The following PCDH9 variants were observed in gnomAD, a reference collection of about 807,000 sequenced individuals.
PCDH9 encodes the protein protocadherin-9.
In PCDH9, 24 loss-of-function variants were observed where a neutral mutation model predicts 70.6. The ratio of observed to expected loss-of-function variants is 0.34; its 90% CI spans 0.25 to 0.48. The LOEUF (loss-of-function observed/expected upper bound fraction) is 0.48. PCDH9 is among the 20% of genes least tolerant of loss of function. The probability of loss-of-function intolerance (pLI) is 0.99; values close to 1 mark genes in which losing one functional copy is unlikely to be tolerated. For synonymous variants in PCDH9, 562 were observed against 558.5 expected, an observed-to-expected ratio of 1.01 and a Z score of -0.09; for missense variants, 1,281 against 1,503.6, an observed-to-expected ratio of 0.85 and a Z score of 2.45.
intron 2 of PCDH9, among the ~76,000 whole-genome samples, chr13:67,101,236 G>T (rs1311532818): frequency 1.3e-5 from 2 of 152,098 alleles, no homozygotes; most frequent in Admixed American, 6.5e-5. Flanking sequence ...CTGATTATAA[G>T]TCCATATTAT....
At chr13:67,094,198 C>G (rs202181200) in intron 2 of PCDH9, among the ~76,000 whole-genome samples, 1 of 152,114 alleles carries the variant, frequency 6.6e-6, no homozygotes, top group Non-Finnish European at 1.5e-5. Flanking sequence ...CAATTATGGG[C>G]ATGAATTCAA....
intron 4 of PCDH9, among the ~76,000 whole-genome samples, chr13:66,400,914 G>A (rs959452866): frequency 1.3e-5 from 2 of 152,062 alleles, no homozygotes; most frequent in Non-Finnish European, 2.9e-5. Context: ...AGTCCACCAG[G>A]GATTGATAAT....
intron 2 of PCDH9, among the ~76,000 whole-genome samples, chr13:66,946,660 A>C (rs1421950984): frequency 1.3e-5 from 2 of 152,112 alleles, no homozygotes; most frequent in Non-Finnish European, 2.9e-5. Context: ...AGAACCCAAG[A>C]ATGTTGGGCT....
chr13:66,650,963 A>G (rs2077843072), intron 3 of PCDH9, among the ~76,000 whole-genome samples: 1 of 152,000 alleles, frequency 6.6e-6, no homozygotes, highest in African/African-American at 2.4e-5. Flanking sequence ...TTAAGAAGGA[A>G]ATTTTTTAAG....
intron 3 of PCDH9, among the ~76,000 whole-genome samples, chr13:66,762,384 A>G (rs1284067660): frequency 1.3e-5 from 2 of 152,030 alleles, no homozygotes; most frequent in Non-Finnish European, 2.9e-5. Context: ...CAGAGTCCAT[A>G]GGTGTCTGCC....
chr13:66,846,081 G>T (rs898108559), intron 3 of PCDH9, among the ~76,000 whole-genome samples: 1 of 146,512 alleles, frequency 6.8e-6, no homozygotes, highest in Non-Finnish European at 1.5e-5. Context: ...TTCTACTGAG[G>T]CCATTACAAT....
At chr13:66,674,132 CCCA>C (rs759362867) in intron 3 of PCDH9, among the ~76,000 whole-genome samples, 9 of 151,806 alleles carry the variant, frequency 5.9e-5, no homozygotes, top group Non-Finnish European at 1.2e-4. Context: ...AACAGATTTT[CCCA>C]CCATCAAACC....
At chr13:67,206,571 A>T (rs779573724) in intron 2 of PCDH9, 3 of 152,230 alleles carry the variant, frequency 2.0e-5, no homozygotes, top group Non-Finnish European at 4.4e-5. Context: ...TGAAAGTGGA[A>T]AACCTACTCT....
chr13:66,657,620 G>A (rs535601344), intron 3 of PCDH9, among the ~76,000 whole-genome samples: 16 of 152,258 alleles, frequency 1.1e-4, no homozygotes, highest in African/African-American at 3.9e-4. Flanking sequence ...CGATTCTTTG[G>A]AATCCAGCAG....
At position 66,903,527 on chromosome 13, in the gene PCDH9, C is replaced by G; in HGVS notation, c.3115G>C (p.Glu1039Gln). 1 of 1,543,074 alleles carries G rather than the reference C, an allele frequency of 6.5e-7. No homozygotes were observed. Among genetic ancestry groups the G allele is most frequent in the Non-Finnish European group, 9.0e-7 (1 of 1,116,808 alleles). Residue 1039 changes from glutamate to glutamine, a missense_variant, in exon 3 of 5, where the codon GAG becomes CAG. By Grantham distance (29) the Glu-to-Gln change is conservative. Transcript: ENST00000377865. The part of the protein sequence containing the change: ...CPSSTGFHIQ[E>Q]NEESHYESQR... ...ACCTCGTAATGGCTTTCTTCATTCT[C>G]CTGAATGTGGAAACCCGTGGAGCTG...
At chr13:66,516,789 T>G (rs145230315) in intron 4 of PCDH9, among the ~76,000 whole-genome samples, 81 of 152,204 alleles carry the variant, frequency 5.3e-4, no homozygotes, top group African/African-American at 1.9e-3. Context: ...TGAGTCATTT[T>G]ATCTATGCTG....
At chr13:67,176,535 CAAAG>C (rs1196432914) in intron 2 of PCDH9, among the ~76,000 whole-genome samples, 1 of 147,574 alleles carries the variant, frequency 6.8e-6, no homozygotes, top group African/African-American at 2.5e-5. Context: ...AAAAAAAAAA[CAAAG>C]AATCTCTATT....
chr13:66,630,682 A>G (rs2077558547), intron 4 of PCDH9: 1 of 145,738 alleles, frequency 6.9e-6, no homozygotes, highest in South Asian at 2.3e-4. Flanking sequence ...TCCTCTTCAC[A>G]CTTGTTTTAA....
intron 4 of PCDH9, among the ~76,000 whole-genome samples, chr13:66,524,003 G>T (rs1185559026): frequency 6.6e-6 from 1 of 151,996 alleles, no homozygotes; most frequent in African/African-American, 2.4e-5. Flanking sequence ...TTATGAGGCG[G>T]TGCTAAATGA....
At chr13:66,544,641 T>C (rs1961104973) in intron 4 of PCDH9, among the ~76,000 whole-genome samples, 1 of 152,190 alleles carries the variant, frequency 6.6e-6, no homozygotes, top group South Asian at 2.1e-4. Flanking sequence ...TGCAATTATA[T>C]GCAAATTAAG....
intron 4 of PCDH9, among the ~76,000 whole-genome samples, chr13:66,566,321 G>A (rs2076651738): frequency 6.6e-6 from 1 of 152,136 alleles, no homozygotes; most frequent in Non-Finnish European, 1.5e-5. Context: ...CCATAAGAAT[G>A]CAAGCCTGCT....
At position 66,620,267 on chromosome 13, in the gene PCDH9, T is replaced by C. The variant is rs76711723; in HGVS notation, c.3340+10943A>G. Among the ~76,000 whole-genome samples the C allele has an allele frequency of 6.9e-3, 1,045 of 152,320 alleles. 12 individuals are homozygous for C. Among genetic ancestry groups the C allele is most frequent in the African/African-American group, 0.024 (994 of 41,578 alleles). The stretch of plus-strand genomic sequence containing the variant: ...ACTTACTTGAACAGTTTATCATTTA[T>C]TGAGCATCTACTGTGTTTCAGGCCC... On this transcript the variant is annotated intron_variant, in intron 4 of 4. Coordinates refer to ENST00000377865, the MANE Select transcript of PCDH9 (RefSeq NM_203487.3).
chr13:67,115,434 A>G (rs1026284633), intron 2 of PCDH9, among the ~76,000 whole-genome samples: 1 of 152,290 alleles, frequency 6.6e-6, no homozygotes, highest in Admixed American at 6.5e-5. Context: ...CAGAAGGATG[A>G]AGGAGCTCTC....
intron 4 of PCDH9, among the ~76,000 whole-genome samples, chr13:66,327,583 G>A (rs1955870233): frequency 6.6e-6 from 1 of 152,166 alleles, no homozygotes; most frequent in Non-Finnish European, 1.5e-5. Context: ...ATATCCTCAT[G>A]AAAGGCAGTG....
Sources: allele counts gnomAD v4.1 joint callset (sites outside exome capture counted in the v4.1 genomes callset), GRCh38; gene constraint gnomAD v4.1.1; transcripts MANE v1.5; gene names NCBI Gene and HGNC (gene_info 2026-07-23, HGNC 2026-07-21).